DNAJC13: variants seen among roughly 807,000 people sequenced by gnomAD.
DNAJC13 encodes the protein DnaJ heat shock protein family (Hsp40) member C13.
In DNAJC13, 75 loss-of-function variants were observed where a neutral mutation model predicts 290.5. The observed-to-expected ratio is 0.26, with a 90% CI of 0.21 to 0.31. DNAJC13 has a LOEUF of 0.31. DNAJC13 is among the 10% of genes least tolerant of loss of function. The pLI is 1.00. For synonymous variants in DNAJC13, 862 were observed against 892.0 expected, an observed-to-expected ratio of 0.97 and a Z score of 0.60; for missense variants, 2,260 against 2,674.5, an observed-to-expected ratio of 0.85 and a Z score of 3.42.
chr3:132,502,296 C>T lies in DNAJC13; in HGVS notation c.4544C>T (p.Pro1515Leu), dbSNP rs745442235. 6.2e-6 allele frequency: 10 copies of T among 1,611,280 alleles called. No individual in the cohort carries two copies. The highest frequency in any genetic ancestry group is 7.6e-6 in the Non-Finnish European group (9 of 1,178,884). Residue 1515 changes from proline (P) to leucine (L), a missense_variant, in exon 40 of 56, where the codon CCC (proline) becomes CTC (leucine). This residue lies in a region of DNAJC13 where 1,494 missense variants were observed against 1,693.7 expected (regional missense o/e 0.88). Coordinates refer to ENST00000260818, the MANE Select transcript of DNAJC13 (RefSeq NM_015268.4). ...CRVLYFGKSIPRVAALGVECV... is the reference protein window; with the variant it reads ...CRVLYFGKSILRVAALGVECV... Reference sequence around the variant, plus strand: ...TCATTTTTATTCTCTCAGAGTATTCCCCGCGTAGCTGCTCTTGGGGTAGAA... The same window carrying T: ...TCATTTTTATTCTCTCAGAGTATTCTCCGCGTAGCTGCTCTTGGGGTAGAA...
intron 28 of DNAJC13, 65 bp downstream of exon 28, chr3:132,483,642 G>T: frequency 6.7e-7 from 1 of 1,496,524 alleles, no homozygotes; most frequent in Non-Finnish European, 9.3e-7. Context: ...CATAGAATCG[G>T]TCTGGTGTTT....
chr3:132,472,210 TGAGAGGGAGACCGTGGG>T (rs1430477379), intron 20 of DNAJC13, among the ~76,000 whole-genome samples: 3 of 151,608 alleles, frequency 2.0e-5, no homozygotes, highest in Non-Finnish European at 4.4e-5. Flanking sequence ...CGGCTCCGCA[TGAGAGGGAGACCGTGGG>T]GAGAGGGAGA....
chr3:132,494,347 T>A, intron 34 of DNAJC13, 88 bp downstream of exon 34: 1 of 1,043,282 alleles, frequency 9.6e-7, no homozygotes, highest in Non-Finnish European at 1.5e-6. Context: ...TCAATCATTT[T>A]AAAATCTTTT....
chr3:132,427,130 TA>T (rs1381349635), intron 1 of DNAJC13, among the ~76,000 whole-genome samples: 1 of 139,492 alleles, frequency 7.2e-6, no homozygotes, highest in East Asian at 2.1e-4. Context: ...TATATATATA[TA>T]TATTTTTTTT....
Position 132,507,267 on chromosome 3 carries a change from T to A in DNAJC13, c.5029T>A (p.Phe1677Ile), listed in dbSNP as rs2107727213. 2 of 1,612,860 alleles carry A rather than the reference T, an allele frequency of 1.2e-6. No individual in the cohort carries two copies. Among genetic ancestry groups the A allele is most frequent in the South Asian group, 1.1e-5 (1 of 90,880 alleles). The change falls in exon 43 of 56, where the codon TTT (phenylalanine) becomes ATT (isoleucine). Residue 1677 changes from phenylalanine (F) to isoleucine (I), a missense_variant. Coordinates refer to ENST00000260818, the MANE Select transcript of DNAJC13 (RefSeq NM_015268.4). ...TTGTGACAAAACTTATGGATCAGAA[T>A]TTGTCTACAGTGATCATGCCAAAGA... ...GDCDKTYGSEFVYSDHAKELI... is the reference protein window; with the variant it reads ...GDCDKTYGSEIVYSDHAKELI...
Position 132,473,236 on chromosome 3 carries a change from T to G in DNAJC13, c.2291+9T>G. On this transcript the variant is annotated intron_variant, in intron 21 of 55. Transcript: ENST00000260818. ...GATCTCTTCTATTATAGGTAAACTT[T>G]AGGTCTCTTTTCCAATAAAGATTAA... 6.4e-7 allele frequency: 1 copy of G among 1,553,558 alleles called. No homozygotes were observed. The highest frequency in any genetic ancestry group is 8.8e-7 in the Non-Finnish European group (1 of 1,135,980).
chr3:132,431,467 C>T (rs1256450477), intron 1 of DNAJC13, among the ~76,000 whole-genome samples: 1 of 152,008 alleles, frequency 6.6e-6, no homozygotes, highest in East Asian at 1.9e-4. Flanking sequence ...CATTTGAACA[C>T]AGATTTGAAG....
At position 132,525,914 on chromosome 3, in the gene DNAJC13, A is replaced by C. The variant is rs554090850; in HGVS notation, c.6240+125A>C. On this transcript the variant is annotated intron_variant, in intron 52 of 55. Coordinates refer to ENST00000260818, the MANE Select transcript of DNAJC13 (RefSeq NM_015268.4). ...CCATGTGTCTTTTTGCATACGAACC[A>C]CATGGTATTTTATTAGTTCTGGGTT... 2.6e-5 allele frequency: 32 copies of C among 1,246,932 alleles called. 1 individual carries two copies. In the South Asian group the frequency reaches 4.9e-4, roughly 19 times the overall value. 77.2% of individuals were successfully genotyped at this position (1,246,932 alleles called of 1,614,324 possible). A position where few individuals can be genotyped will look rare whatever the true frequency, so the allele number is the denominator to read the frequency against.
intron 48 of DNAJC13, among the ~76,000 whole-genome samples, 165 bp downstream of exon 48, chr3:132,516,981 G>A (rs1247336121): frequency 6.6e-6 from 1 of 152,202 alleles, no homozygotes; most frequent in Non-Finnish European, 1.5e-5. Context: ...ATGTATTACT[G>A]TTTGAGAAAA....
chr3:132,530,221 C>T (rs568824945), intron 54 of DNAJC13, among the ~76,000 whole-genome samples: 7 of 152,292 alleles, frequency 4.6e-5, no homozygotes, highest in Non-Finnish European at 7.3e-5. Context: ...AATTATTTGA[C>T]GCTGTCTTCC....
intron 2 of DNAJC13, among the ~76,000 whole-genome samples, chr3:132,444,509 A>G (rs1230272376): frequency 6.6e-6 from 1 of 152,222 alleles, no homozygotes; most frequent in African/African-American, 2.4e-5. Flanking sequence ...AAGACTGTAC[A>G]TGGCACCAGC....
chr3:132,470,512 A>G (rs1446335140), intron 20 of DNAJC13, among the ~76,000 whole-genome samples: 5 of 126,568 alleles, frequency 4.0e-5, no homozygotes, highest in Non-Finnish European at 6.7e-5. Flanking sequence ...CACACCTCCC[A>G]GACGGGGTGG....
intron 1 of DNAJC13, among the ~76,000 whole-genome samples, chr3:132,423,008 A>G (rs1478742043): frequency 6.6e-6 from 1 of 152,208 alleles, no homozygotes. Flanking sequence ...CCCTAAAGCA[A>G]TCCAGAATTA....
intron 33 of DNAJC13, among the ~76,000 whole-genome samples, chr3:132,492,854 CAA>C (rs1935109271): frequency 6.6e-6 from 1 of 151,546 alleles, no homozygotes; most frequent in African/African-American, 2.4e-5. Context: ...GTGGCAAAGA[CAA>C]AACAAATTTC....
chr3:132,470,864 G>A (rs1266326554), intron 20 of DNAJC13, among the ~76,000 whole-genome samples: 1 of 132,476 alleles, frequency 7.5e-6, no homozygotes, highest in South Asian at 2.5e-4. Flanking sequence ...CCTCCCTCCC[G>A]GACAGGGCGG....
chr3:132,519,509 A>G (rs921798345), intron 48 of DNAJC13, among the ~76,000 whole-genome samples: 3 of 150,528 alleles, frequency 2.0e-5, no homozygotes, highest in Non-Finnish European at 3.0e-5. Context: ...GTCCCTTATT[A>G]TAGGTATGAT....
intron 31 of DNAJC13, 83 bp downstream of exon 31, chr3:132,489,104 T>C: frequency 9.1e-7 from 1 of 1,095,158 alleles, no homozygotes; most frequent in Non-Finnish European, 1.4e-6. Context: ...TGTATTATGT[T>C]TACTAGATTA....
At chr3:132,523,127 G>A (rs1936141914) in intron 49 of DNAJC13, 30 bp from the exon 50 acceptor site, 8 of 1,613,754 alleles carry the variant, frequency 5.0e-6, no homozygotes, top group Non-Finnish European at 6.8e-6. Context: ...TGTGACTGAA[G>A]TTTGGTATCC....
chr3:132,472,676 T>C (rs1299272856), intron 20 of DNAJC13: 7 of 808,518 alleles, frequency 8.7e-6, no homozygotes, highest in Non-Finnish European at 1.0e-5. Context: ...TAACTTCACA[T>C]GTGTTTGAAT....
Sources: gnomAD v4.1 joint callset for allele counts (sites outside exome capture counted in the v4.1 genomes callset) on GRCh38, gnomAD v4.1.1 for gene constraint, gnomAD v4.1.1 regional missense constraint, MANE v1.5 for transcripts, NCBI Gene and HGNC (gene_info 2026-07-23, HGNC 2026-07-21) for gene names.